The following PHACTR1 variants were observed in gnomAD, a reference collection of about 807,000 sequenced individuals.
PHACTR1 encodes phosphatase and actin regulator 1.
A neutral mutation model predicts 69.2 loss-of-function variants in PHACTR1; 16 were observed. The observed-to-expected ratio is 0.23, with a 90% CI of 0.16 to 0.35. PHACTR1 has a LOEUF of 0.35. Among genes scored for constraint, PHACTR1 ranks in the 10% least tolerant of loss-of-function variants. The probability of loss-of-function intolerance (pLI) is 1.00; values close to 1 mark genes in which losing one functional copy is unlikely to be tolerated. For missense variants in PHACTR1, 510 were observed against 734.7 expected, an observed-to-expected ratio of 0.69 and a Z score of 3.54; for synonymous variants, 312 against 284.5, an observed-to-expected ratio of 1.10 and a Z score of -0.97.
intron 4 of PHACTR1, among the ~76,000 whole-genome samples, chr6:12,873,560 G>A (rs1310342691): frequency 3.3e-5 from 5 of 152,210 alleles, no homozygotes; most frequent in South Asian, 2.1e-4. Flanking sequence ...GTAAGTATAC[G>A]TTTTACATCA....
rs888615869 is a variant in PHACTR1 at position 12,947,151 on chromosome 6, T to C, written c.251-106214T>C. Among the ~76,000 whole-genome samples the C allele has an allele frequency of 9.2e-5, 14 of 152,146 alleles. No individual in the cohort carries two copies. In the South Asian group the frequency reaches 1.0e-3, roughly 11 times the overall value. ...GTGGAGGTCCCCTAGATCATTAATA[T>C]AATTTTGTAACATTCCAACTTCTAG... On this transcript the variant is annotated intron_variant, in intron 4 of 14. Coordinates refer to ENST00000332995, the MANE Select transcript of PHACTR1 (RefSeq NM_030948.6).
chr6:13,125,108 C>T (rs1328162347), intron 5 of PHACTR1, among the ~76,000 whole-genome samples: 2 of 152,188 alleles, frequency 1.3e-5, no homozygotes. Flanking sequence ...AGAGAAAAGT[C>T]CTCAAACTTT....
chr6:13,142,144 A>G (rs984487380), intron 5 of PHACTR1, among the ~76,000 whole-genome samples: 3 of 152,218 alleles, frequency 2.0e-5, no homozygotes, highest in African/African-American at 7.2e-5. Context: ...AGTTGAAAGA[A>G]ATTTAAGAAG....
At chr6:12,832,205 C>A (rs1777659208) in intron 4 of PHACTR1, among the ~76,000 whole-genome samples, 1 of 152,078 alleles carries the variant, frequency 6.6e-6, no homozygotes, top group African/African-American at 2.4e-5. Context: ...TCTAGGGGTT[C>A]TCTCCCACAT....
At chr6:13,210,234 C>T (rs1273686276) in intron 8 of PHACTR1, among the ~76,000 whole-genome samples, 3 of 152,018 alleles carry the variant, frequency 2.0e-5, no homozygotes, top group East Asian at 1.9e-4. Flanking sequence ...AAACTGGCAT[C>T]GAACTCATAG....
chr6:12,944,787 A>T (rs796730288), intron 4 of PHACTR1, among the ~76,000 whole-genome samples: 1,862 of 116,214 alleles, frequency 0.016, 40 homozygotes, highest in African/African-American at 0.052. Context: ...ATTTTTATTT[A>T]TTTTTTTTTT....
intron 4 of PHACTR1, among the ~76,000 whole-genome samples, chr6:13,045,700 C>T (rs1804908303): frequency 6.6e-6 from 1 of 152,234 alleles, no homozygotes; most frequent in South Asian, 2.1e-4. Flanking sequence ...GTTTTCCTTC[C>T]TTCCCATCTC....
intron 4 of PHACTR1, among the ~76,000 whole-genome samples, chr6:12,813,197 G>A (rs1290921697): frequency 6.6e-6 from 1 of 152,138 alleles, no homozygotes; most frequent in East Asian, 1.9e-4. Context: ...TTTACAAATT[G>A]CACTTCACTG....
intron 5 of PHACTR1, among the ~76,000 whole-genome samples, chr6:13,142,504 C>T (rs1380108809): frequency 6.6e-6 from 1 of 152,140 alleles, no homozygotes; most frequent in Non-Finnish European, 1.5e-5. Flanking sequence ...AGATTTACAC[C>T]TGTTTCTTGT....
At chr6:12,739,943 A>G (rs890054535) in intron 3 of PHACTR1, among the ~76,000 whole-genome samples, 4 of 152,218 alleles carry the variant, frequency 2.6e-5, no homozygotes, top group Non-Finnish European at 5.9e-5. Flanking sequence ...AAAAAGTACA[A>G]CCACGACCCA....
chr6:13,067,710 T>G (rs540738258), intron 5 of PHACTR1, among the ~76,000 whole-genome samples: 11 of 152,244 alleles, frequency 7.2e-5, no homozygotes, highest in Non-Finnish European at 1.3e-4. Context: ...TCAATATAAC[T>G]ATCTCTTTCT....
chr6:12,928,336 A>G (rs1159161494), intron 4 of PHACTR1, among the ~76,000 whole-genome samples: 1 of 151,790 alleles, frequency 6.6e-6, no homozygotes, highest in Admixed American at 6.6e-5. Flanking sequence ...GCTGAACGAA[A>G]CCCCTCAAAA....
At chr6:13,006,528 T>C (rs988009110) in intron 4 of PHACTR1, among the ~76,000 whole-genome samples, 1 of 152,172 alleles carries the variant, frequency 6.6e-6, no homozygotes, top group Non-Finnish European at 1.5e-5. Flanking sequence ...ACTGCTTCTA[T>C]CTTATGATGT....
intron 4 of PHACTR1, among the ~76,000 whole-genome samples, chr6:12,898,241 C>T (rs948442342): frequency 6.6e-6 from 1 of 152,190 alleles, no homozygotes; most frequent in Admixed American, 6.5e-5. Context: ...GTCCTGCCCT[C>T]TACCATTTTC....
At chr6:13,229,774 G>A (rs974359869) in intron 9 of PHACTR1, among the ~76,000 whole-genome samples, 9 of 152,180 alleles carry the variant, frequency 5.9e-5, no homozygotes, top group Admixed American at 2.0e-4. Flanking sequence ...GCCCTCCTTT[G>A]TGATGTTGCC....
At chr6:13,075,009 G>A (rs896366141) in intron 5 of PHACTR1, among the ~76,000 whole-genome samples, 4 of 152,152 alleles carry the variant, frequency 2.6e-5, no homozygotes, top group African/African-American at 9.7e-5. Flanking sequence ...GTGATCATTG[G>A]GAAATAGAAT....
At chr6:13,036,652 G>C (rs1803352285) in intron 4 of PHACTR1, among the ~76,000 whole-genome samples, 1 of 152,204 alleles carries the variant, frequency 6.6e-6, no homozygotes, top group African/African-American at 2.4e-5. Context: ...AAATTTCTAA[G>C]GAAACGTGGT....
At chr6:12,853,362 G>C (rs781360384) in intron 4 of PHACTR1, among the ~76,000 whole-genome samples, 13 of 152,154 alleles carry the variant, frequency 8.5e-5, no homozygotes, top group Non-Finnish European at 1.8e-4. Flanking sequence ...AAGCTGATCA[G>C]ATTTGGCACA....
At chr6:12,743,090 G>A (rs762797840) in intron 3 of PHACTR1, among the ~76,000 whole-genome samples, 2 of 151,216 alleles carry the variant, frequency 1.3e-5, no homozygotes, top group Non-Finnish European at 2.9e-5. Context: ...AATCCAGATT[G>A]TTGCATTACC....
Sources: allele counts gnomAD v4.1 joint callset (sites outside exome capture counted in the v4.1 genomes callset), GRCh38; gene constraint gnomAD v4.1.1; transcripts MANE v1.5; gene names NCBI Gene and HGNC (gene_info 2026-07-23, HGNC 2026-07-21).